Variants in EPM2A observed in about 807,000 individuals in gnomAD.
EPM2A encodes EPM2A glucan phosphatase, laforin, also known as laforin.
EPM2A carries 21 observed loss-of-function variants against 26.5 expected under a neutral mutation model. The observed-to-expected ratio is 0.79, with a 90% confidence interval of 0.56 to 1.14. EPM2A has a LOEUF of 1.14. Ranked by LOEUF, EPM2A falls within the 50% of genes most tolerant of loss-of-function variation. The probability of loss-of-function intolerance (pLI) is 0.00; values close to 1 mark genes in which losing one functional copy is unlikely to be tolerated. For synonymous variants in EPM2A, 217 were observed against 177.6 expected, an observed-to-expected ratio of 1.22 and a Z score of -1.76; for missense variants, 458 against 440.8, an observed-to-expected ratio of 1.04 and a Z score of -0.35.
At chr6:145,695,687 T>C (rs1276442851) in intron 1 of EPM2A, among the ~76,000 whole-genome samples, 1 of 151,954 alleles carries the variant, frequency 6.6e-6, no homozygotes, top group African/African-American at 2.4e-5. Flanking sequence ...CAAACATCAG[T>C]AAAGAAAGAC....
chr6:145,462,806 T>C (rs759296064), intron 4 of EPM2A, among the ~76,000 whole-genome samples: 3 of 152,172 alleles, frequency 2.0e-5, no homozygotes, highest in Non-Finnish European at 4.4e-5. Context: ...TGTTGAAGAC[T>C]CTTATTTAAA....
At chr6:145,459,753 C>T (rs951451586) in intron 4 of EPM2A, among the ~76,000 whole-genome samples, 1 of 152,176 alleles carries the variant, frequency 6.6e-6, no homozygotes, top group Middle Eastern at 3.4e-3. Flanking sequence ...CCTCTATACC[C>T]TATCTGCACA....
At chr6:145,577,414 T>C (rs774556373) in intron 2 of EPM2A, among the ~76,000 whole-genome samples, 2 of 145,488 alleles carry the variant, frequency 1.4e-5, no homozygotes, top group African/African-American at 2.5e-5. Flanking sequence ...TCAGATAAAA[T>C]AGATTTCAAG....
chr6:145,630,377 C>A (rs1180961996), intron 3 of EPM2A: 1 of 152,220 alleles, frequency 6.6e-6, no homozygotes, highest in African/African-American at 2.4e-5. Flanking sequence ...CTTTGGGAGG[C>A]CGAGGCAGGT....
intron 1 of EPM2A, among the ~76,000 whole-genome samples, chr6:145,712,138 T>A (rs1011351761): frequency 6.6e-6 from 1 of 152,064 alleles, no homozygotes; most frequent in Non-Finnish European, 1.5e-5. Context: ...AAAGCCCCAA[T>A]GAAATCAGCA....
chr6:145,404,519 C>T (rs966923461), intron 4 of EPM2A, among the ~76,000 whole-genome samples: 13 of 152,040 alleles, frequency 8.6e-5, no homozygotes, highest in Non-Finnish European at 1.5e-4. Flanking sequence ...GCTCGCCCTT[C>T]ATTCAATCAT....
intron 4 of EPM2A, among the ~76,000 whole-genome samples, chr6:145,475,734 A>C (rs1407778254): frequency 6.6e-6 from 1 of 152,088 alleles, no homozygotes; most frequent in East Asian, 1.9e-4. Context: ...GGTTAAAATA[A>C]TAAGTTATAA....
chr6:145,666,994 A>C (rs1237722799), intron 2 of EPM2A, among the ~76,000 whole-genome samples: 4 of 121,484 alleles, frequency 3.3e-5, no homozygotes, highest in Admixed American at 8.4e-5. Context: ...CCTTCCTTAC[A>C]CCTTATACAA....
chr6:145,391,199 T>G (rs901756364), intron 4 of EPM2A, among the ~76,000 whole-genome samples: 9 of 152,198 alleles, frequency 5.9e-5, no homozygotes, highest in African/African-American at 1.9e-4. Flanking sequence ...CCATTAAGCT[T>G]TCTTTCCTAA....
At chr6:145,670,795 A>G in intron 2 of EPM2A, 1 of 426,614 alleles carries the variant, frequency 2.3e-6, no homozygotes, top group Non-Finnish European at 3.1e-6. Context: ...AAACATAAGA[A>G]AAAGAGGATA....
intron 2 of EPM2A, among the ~76,000 whole-genome samples, chr6:145,619,199 T>G (rs779347495): frequency 6.6e-6 from 1 of 152,084 alleles, no homozygotes; most frequent in Non-Finnish European, 1.5e-5. Flanking sequence ...TGGGAGATAT[T>G]CTGAAAGATG....
chr6:145,575,329 T>C (rs552626502), intron 2 of EPM2A, among the ~76,000 whole-genome samples: 24 of 152,296 alleles, frequency 1.6e-4, no homozygotes, highest in African/African-American at 5.5e-4. Context: ...CAGAGTCCCA[T>C]TCATTTCCAA....
chr6:145,628,974 C>T lies in EPM2A; in HGVS notation c.719-1281G>A, dbSNP rs190388402. 1,028 of 152,458 alleles carry T rather than the reference C, an allele frequency of 6.7e-3. 5 individuals carry two copies. The highest frequency in any genetic ancestry group is 9.3e-3 in the Non-Finnish European group (632 of 68,144). The allele number at this position is 152,458 out of a possible 1,614,324, so 9.4% of individuals were successfully genotyped here. A position where few individuals can be genotyped will look rare whatever the true frequency, so the allele number is the denominator to read the frequency against. On this transcript the variant is annotated intron_variant, in intron 3 of 3. Transcript: ENST00000367519. The stretch of plus-strand genomic sequence containing the variant: ...CCACAGTGTGGCTTGAAAGGCCTCT[C>T]ACTGGCCATTCCACCCAGCCAGGCA...
chr6:145,483,150 AAC>A (rs67462837), intron 4 of EPM2A, among the ~76,000 whole-genome samples: 10,174 of 152,128 alleles, frequency 0.067, 467 homozygotes, highest in South Asian at 0.11. Context: ...TAAAAATCAA[AAC>A]AGTGTCTTTT....
intron 2 of EPM2A, among the ~76,000 whole-genome samples, chr6:145,576,531 T>A (rs886119616): frequency 6.6e-6 from 1 of 152,182 alleles, no homozygotes; most frequent in Admixed American, 6.5e-5. Flanking sequence ...ACTCTCAACT[T>A]AGAATACTGT....
intron 4 of EPM2A, among the ~76,000 whole-genome samples, chr6:145,404,788 T>C (rs1018105467): frequency 2.0e-5 from 3 of 152,140 alleles, no homozygotes; most frequent in Non-Finnish European, 4.4e-5. Flanking sequence ...TGTTTTAAAG[T>C]ATAGGTCCTT....
intron 2 of EPM2A, among the ~76,000 whole-genome samples, chr6:145,546,359 T>C (rs1254204736): frequency 2.0e-5 from 3 of 152,154 alleles, no homozygotes; most frequent in Non-Finnish European, 2.9e-5. Context: ...TTCTTCCTTT[T>C]CTCTGCCTTT....
At chr6:145,452,489 CAAAAAAAAAAAAAAAAAAAA>C (rs563777945) in intron 4 of EPM2A, among the ~76,000 whole-genome samples, 2 of 75,862 alleles carry the variant, frequency 2.6e-5, no homozygotes, top group Admixed American at 1.9e-4. Flanking sequence ...ACTAAAAATA[CAAAAAAAAAAAAAAAAAAAA>C]AAAAAAAAAA....
Position 145,733,922 on chromosome 6 carries a change from A to G in EPM2A, c.301+1276T>C, listed in dbSNP as rs139821762. 4.3e-3 allele frequency among the ~76,000 whole-genome samples: 661 copies of G among 152,210 alleles called. 5 individuals carry two copies. Among genetic ancestry groups the G allele is most frequent in the African/African-American group, 0.014 (573 of 41,528 alleles). ...TCATTGACTTCAACTATTGAGTCACACCCACTCCAGTCTACAACCTTGCAC... is the reference window on the plus strand; with the variant it reads ...TCATTGACTTCAACTATTGAGTCACGCCCACTCCAGTCTACAACCTTGCAC... On this transcript the variant is annotated intron_variant, in intron 1 of 3. Transcript: ENST00000367519.
Sources: gnomAD v4.1 joint callset for allele counts (sites outside exome capture counted in the v4.1 genomes callset) on GRCh38, gnomAD v4.1.1 for gene constraint, MANE v1.5 for transcripts, NCBI Gene and HGNC (gene_info 2026-07-23, HGNC 2026-07-21) for gene names.